KIAA1328: variants seen among roughly 807,000 people sequenced by gnomAD.
KIAA1328 encodes the protein protein hinderin.
KIAA1328 carries 52 observed loss-of-function variants against 68.1 expected under a neutral mutation model. That is an observed-to-expected ratio of 0.76 (90% CI 0.61 to 0.96). The LOEUF (loss-of-function observed/expected upper bound fraction) is 0.96. Among genes scored for constraint, KIAA1328 ranks in the 40% least tolerant of loss-of-function variants. The pLI, the probability that KIAA1328 is intolerant of heterozygous loss-of-function variation, is 0.00. For missense variants in KIAA1328, 641 were observed against 677.6 expected, an observed-to-expected ratio of 0.95 and a Z score of 0.60; for synonymous variants, 232 against 239.4, an observed-to-expected ratio of 0.97 and a Z score of 0.28.
intron 5 of KIAA1328, chr18:36,925,150 T>G (rs2151124080): frequency 6.6e-6 from 1 of 152,272 alleles, no homozygotes; most frequent in South Asian, 2.1e-4. Flanking sequence ...CTCTGTAAAG[T>G]TTTTTGGAAG....
intron 6 of KIAA1328, among the ~76,000 whole-genome samples, chr18:37,053,027 A>C (rs1035218377): frequency 6.6e-6 from 1 of 152,230 alleles, no homozygotes; most frequent in African/African-American, 2.4e-5. Flanking sequence ...ATGAGTGCAA[A>C]TAGCCAAAGC....
chr18:37,128,109 G>C (rs1192696405), intron 7 of KIAA1328, among the ~76,000 whole-genome samples: 1 of 152,088 alleles, frequency 6.6e-6, no homozygotes, highest in Non-Finnish European at 1.5e-5. Flanking sequence ...TAACAATATA[G>C]TTGAGGAAAA....
chr18:37,139,852 A>G (rs116182209), intron 7 of KIAA1328, among the ~76,000 whole-genome samples: 93 of 152,340 alleles, frequency 6.1e-4, no homozygotes, highest in African/African-American at 2.0e-3. Context: ...TGTAAGTAAC[A>G]TGAGTCCCAG....
intron 6 of KIAA1328, among the ~76,000 whole-genome samples, chr18:37,014,874 C>T (rs999154237): frequency 9.9e-5 from 15 of 152,104 alleles, no homozygotes; most frequent in Admixed American, 6.6e-4. Flanking sequence ...TGAGGTCTTA[C>T]ATTTAAATAT....
intron 9 of KIAA1328, among the ~76,000 whole-genome samples, chr18:37,188,277 C>G (rs867692353): frequency 2.0e-5 from 3 of 152,134 alleles, no homozygotes; most frequent in Non-Finnish European, 4.4e-5. Context: ...GAGAAATGTG[C>G]TGCCTCTAAA....
intron 6 of KIAA1328, among the ~76,000 whole-genome samples, chr18:37,025,901 C>CA (rs1157752242): frequency 1.3e-5 from 2 of 152,012 alleles, no homozygotes; most frequent in African/African-American, 2.4e-5. Flanking sequence ...AATAGAGACA[C>CA]AAAAAACCCT....
intron 4 of KIAA1328, among the ~76,000 whole-genome samples, chr18:36,847,094 G>A (rs1218132235): frequency 6.6e-6 from 1 of 151,348 alleles, no homozygotes; most frequent in Non-Finnish European, 1.5e-5. Flanking sequence ...AAGTTGTTGT[G>A]TATGAGTACT....
Position 37,104,156 on chromosome 18 carries a change from C to T in KIAA1328, c.1232+36611C>T, listed in dbSNP as rs530433638. Among the ~76,000 whole-genome samples, 4 of 152,294 alleles carry T rather than the reference C, an allele frequency of 2.6e-5. No homozygotes were observed. In the South Asian group the frequency reaches 6.2e-4, roughly 24 times the overall value. ...TAGAACTACATTATGATCCAGCCAT[C>T]TCACTATTGGATATTTATCCAAAGG... On this transcript the variant is annotated intron_variant, in intron 7 of 9. Transcript: ENST00000280020.
At chr18:36,852,496 T>C (rs2047245899) in intron 4 of KIAA1328, among the ~76,000 whole-genome samples, 1 of 152,164 alleles carries the variant, frequency 6.6e-6, no homozygotes, top group African/African-American at 2.4e-5. Context: ...CAAGTGTTTC[T>C]TGTGATTAGG....
chr18:36,936,625 T>G (rs2050509916), intron 5 of KIAA1328, among the ~76,000 whole-genome samples: 1 of 152,224 alleles, frequency 6.6e-6, no homozygotes, highest in Non-Finnish European at 1.5e-5. Flanking sequence ...TTTGGATATA[T>G]ACCCAGTAAT....
chr18:37,038,282 G>A (rs1028497998), intron 6 of KIAA1328, among the ~76,000 whole-genome samples: 1 of 151,972 alleles, frequency 6.6e-6, no homozygotes, highest in Non-Finnish European at 1.5e-5. Flanking sequence ...ATAACTTGGG[G>A]CTGCTTTTTA....
chr18:37,200,266 C>A (rs192450775), intron 9 of KIAA1328, among the ~76,000 whole-genome samples: 3 of 152,174 alleles, frequency 2.0e-5, no homozygotes, highest in Admixed American at 1.3e-4. Flanking sequence ...AAACAATGAG[C>A]GGGCTGATAC....
At chr18:36,885,501 G>C in intron 4 of KIAA1328, 56 bp from the exon 5 acceptor site, 1 of 978,546 alleles carries the variant, frequency 1.0e-6, no homozygotes, top group Non-Finnish European at 1.5e-6. Flanking sequence ...GCAGCTGTAG[G>C]CACATATTTA....
At chr18:37,045,367 T>C (rs1022835816) in intron 6 of KIAA1328, among the ~76,000 whole-genome samples, 11 of 152,194 alleles carry the variant, frequency 7.2e-5, no homozygotes, top group Non-Finnish European at 1.6e-4. Flanking sequence ...AGATTAATGA[T>C]TTACATTTAA....
rs1599550902 is a variant in KIAA1328, at chr18:37,189,463, A to G, written c.1523+16382A>G. Among the ~76,000 whole-genome samples, 4 of 152,372 alleles carry G rather than the reference A, an allele frequency of 2.6e-5. No homozygotes were observed. In the South Asian group the frequency reaches 8.3e-4, roughly 32 times the overall value. On this transcript the variant is annotated intron_variant, in intron 9 of 9. Coordinates refer to ENST00000280020, the MANE Select transcript of KIAA1328 (RefSeq NM_020776.3). The stretch of plus-strand genomic sequence containing the variant: ...ATCAGAGGTTTAAGATGAAGATAGT[A>G]TAGAATTCAAATTATAACTTAATAC...
At chr18:36,838,985 G>C (rs778322543) in intron 3 of KIAA1328, among the ~76,000 whole-genome samples, 1 of 152,126 alleles carries the variant, frequency 6.6e-6, no homozygotes, top group East Asian at 1.9e-4. Flanking sequence ...TGCCCGCCTC[G>C]GCCTCCCAAA....
intron 7 of KIAA1328, among the ~76,000 whole-genome samples, chr18:37,088,625 T>C (rs1376932855): frequency 1.3e-5 from 2 of 152,068 alleles, no homozygotes; most frequent in Admixed American, 6.5e-5. Context: ...CTGATTCACT[T>C]TCTTACTTGC....
At chr18:36,856,589 A>G (rs1430285087) in intron 4 of KIAA1328, among the ~76,000 whole-genome samples, 1 of 152,056 alleles carries the variant, frequency 6.6e-6, no homozygotes, top group Non-Finnish European at 1.5e-5. Flanking sequence ...TAGTTTCTTG[A>G]CCATAGTTCT....
At position 37,224,160 on chromosome 18, in the gene KIAA1328, C is replaced by T. The variant is rs2060610082; in HGVS notation, c.*1933C>T. On this transcript the variant is annotated 3_prime_UTR_variant, in exon 10 of 10. Transcript: ENST00000280020. ...CTGTGTCATGACTAGCTTAAGTGTA[C>T]TTGACTCCCATAGACTACTCCCATG... The T allele has an allele frequency of 1.0e-6, 1 of 985,386 alleles. No individual in the cohort carries two copies. Among genetic ancestry groups the T allele is most frequent in the Non-Finnish European group, 1.2e-6 (1 of 829,920 alleles). The allele number at this position is 985,386 out of a possible 1,614,324, so 61.0% of individuals were successfully genotyped here. A position where few individuals can be genotyped will look rare whatever the true frequency, so the allele number is the denominator to read the frequency against.
Sources: allele counts gnomAD v4.1 joint callset (sites outside exome capture counted in the v4.1 genomes callset), GRCh38; gene constraint gnomAD v4.1.1; transcripts MANE v1.5; gene names NCBI Gene and HGNC (gene_info 2026-07-23, HGNC 2026-07-21).